Variants in DPYSL2 observed in about 807,000 individuals in gnomAD.
DPYSL2 encodes the protein dihydropyrimidinase like 2.
In DPYSL2, 13 loss-of-function variants were observed where a neutral mutation model predicts 69.9. The ratio of observed to expected loss-of-function variants is 0.19; its 90% CI spans 0.12 to 0.30. The LOEUF is 0.30. DPYSL2 is among the 10% of genes least tolerant of loss of function. The probability of loss-of-function intolerance (pLI) is 1.00; values close to 1 mark genes in which losing one functional copy is unlikely to be tolerated. For synonymous variants in DPYSL2, 326 were observed against 359.1 expected (o/e 0.91, Z 1.04); for missense variants, 587 against 918.9 (o/e 0.64, Z 4.67).
chr8:26,569,491 G>A (rs932353944), intron 1 of DPYSL2, among the ~76,000 whole-genome samples: 7 of 152,066 alleles, frequency 4.6e-5, no homozygotes, highest in African/African-American at 1.7e-4. Context: ...CTGGGCTGAA[G>A]AACAGGTATC....
At chr8:26,528,981 AAGG>A (rs1004483047) in intron 1 of DPYSL2, among the ~76,000 whole-genome samples, 9 of 152,194 alleles carry the variant, frequency 5.9e-5, no homozygotes, top group African/African-American at 2.2e-4. Flanking sequence ...GAGCTTCCTG[AAGG>A]AGGAGGATGG....
In DPYSL2 at chr8:26,644,779, T is replaced by C. The variant is rs150790118; in HGVS notation, c.1425+688T>C. Among the ~76,000 whole-genome samples the C allele has an allele frequency of 2.6e-5, 4 of 152,280 alleles. No individual in the cohort carries two copies. Among genetic ancestry groups the C allele is most frequent in the African/African-American group, 9.6e-5 (4 of 41,546 alleles). ...GGCTCAATTTCCTTAAAAGTGTCTT[T>C]TAGGGCTCTCTGGACTTAGCATGTC... On this transcript the variant is annotated intron_variant, in intron 10 of 13. Transcript: ENST00000521913. The surrounding 1 kb of genome is among the most constrained non-coding windows in gnomAD (Gnocchi z 4.5).
Position 26,518,132 on chromosome 8 carries a change from G to A in DPYSL2, c.354+3453G>A, listed in dbSNP as rs565843448. 1.5e-3 allele frequency among the ~76,000 whole-genome samples: 233 copies of A among 152,304 alleles called. 1 individual carries two copies. The highest frequency in any genetic ancestry group is 5.3e-3 in the African/African-American group (220 of 41,568). The stretch of plus-strand genomic sequence containing the variant: ...CCTCAGGCAAACAACTGATGCCCAA[G>A]TTGTCCCCAGAGATCCGTGTCTGAT... On this transcript the variant is annotated intron_variant, in intron 1 of 13. Transcript: ENST00000521913.
intron 1 of DPYSL2, among the ~76,000 whole-genome samples, chr8:26,535,397 T>C (rs1438430610): frequency 6.6e-6 from 1 of 152,124 alleles, no homozygotes. Flanking sequence ...TTAGGGGATT[T>C]AAATATGTCA....
Position 26,652,131 on chromosome 8 carries a change from T to C in DPYSL2, c.1597-126T>C, listed in dbSNP as rs769543507. On this transcript the variant is annotated intron_variant, in intron 11 of 13. Coordinates refer to ENST00000521913, the MANE Select transcript of DPYSL2 (RefSeq NM_001197293.3). The surrounding 1 kb of genome is among the most constrained non-coding windows in gnomAD (Gnocchi z 6.3). ...AGTAAGTGCCTGCTGGGGTGCCCAG[T>C]TGGGACAGGATCCCTGTCTCTGAGT... is the stretch of plus-strand genomic sequence containing the variant. 7 of 876,178 alleles carry C rather than the reference T, an allele frequency of 8.0e-6. No individual in the cohort carries two copies. Among genetic ancestry groups the C allele is most frequent in the African/African-American group, 6.8e-5 (4 of 58,520 alleles). The allele number at this position is 876,178 out of a possible 1,614,324, so 54.3% of individuals were successfully genotyped here.
At chr8:26,599,591 C>G (rs1350352522) in intron 3 of DPYSL2, among the ~76,000 whole-genome samples, 1 of 150,790 alleles carries the variant, frequency 6.6e-6, no homozygotes, top group African/African-American at 2.4e-5. Context: ...CCACTTCCTC[C>G]TTTCCTTTCT....
At chr8:26,537,966 A>C (rs550677815) in intron 1 of DPYSL2, among the ~76,000 whole-genome samples, 39 of 152,296 alleles carry the variant, frequency 2.6e-4, no homozygotes, top group Non-Finnish European at 5.6e-4. Flanking sequence ...ACTACAGGCC[A>C]GTTATTTTGT....
At position 26,533,409 on chromosome 8, in the gene DPYSL2, T is replaced by C. The variant is rs1028126375; in HGVS notation, c.354+18730T>C. Among the ~76,000 whole-genome samples the C allele has an allele frequency of 5.3e-5, 8 of 152,240 alleles. No individual in the cohort carries two copies. The highest frequency in any genetic ancestry group is 1.2e-4 in the Non-Finnish European group (8 of 68,032). On this transcript the variant is annotated intron_variant, in intron 1 of 13. Transcript: ENST00000521913. The surrounding 1 kb of genome is among the most constrained non-coding windows in gnomAD (Gnocchi z 4.8). ...CTATCTTTTCTTTTGTTGCTTGTAC[T>C]TTTGGTATCCTATTTAAGAGCGTAT...
chr8:26,635,235 C>T (rs1003383842), intron 8 of DPYSL2, among the ~76,000 whole-genome samples: 20 of 152,218 alleles, frequency 1.3e-4, no homozygotes, highest in African/African-American at 3.4e-4. Flanking sequence ...AGTTTCCATC[C>T]GCCCCAGAAT....
At chr8:26,592,476 G>GTT (rs11357827) in intron 3 of DPYSL2, among the ~76,000 whole-genome samples, 2 of 132,832 alleles carry the variant, frequency 1.5e-5, no homozygotes, top group Non-Finnish European at 1.6e-5. Context: ...TTTTTTTTTT[G>GTT]TTTTTTTTTT....
At chr8:26,629,391 C>T (rs1802692182) in intron 7 of DPYSL2, among the ~76,000 whole-genome samples, 1 of 152,126 alleles carries the variant, frequency 6.6e-6, no homozygotes, top group East Asian at 1.9e-4. Context: ...CATGCAGAGG[C>T]AGATACACAG....
rs934828496 is a variant in DPYSL2, at chr8:26,514,646, G to A, written c.321G>A (p.Ser107=). The stretch of plus-strand genomic sequence containing the variant: ...GGAAGGTGGAGATCCGGAGGGCCTC[G>A]GGCAAAGAAGCCCTGCAGAACATCA... ...SGRKVEIRRA[S]GKEALQNIND... is the part of the protein sequence containing the mutation. The change falls in exon 1 of 14, where the codon TCG becomes TCA. Residue 107 remains serine, a synonymous_variant. Coordinates refer to ENST00000521913, the MANE Select transcript of DPYSL2 (RefSeq NM_001197293.3). The surrounding 1 kb of genome is among the most constrained non-coding windows in gnomAD (Gnocchi z 8.4). The A allele has an allele frequency of 5.8e-5, 85 of 1,456,948 alleles. No individual in the cohort carries two copies. In the African/African-American group the frequency reaches 1.1e-3, roughly 19 times the overall value. 90.3% of individuals were successfully genotyped at this position (1,456,948 alleles called of 1,614,324 possible).
Position 26,591,276 on chromosome 8 carries a change from A to C in DPYSL2, c.628+7293A>C, listed in dbSNP as rs895007578. 6.6e-6 allele frequency among the ~76,000 whole-genome samples: 1 copy of C among 152,070 alleles called. No homozygotes were observed. The highest frequency in any genetic ancestry group is 2.4e-5 in the African/African-American group (1 of 41,388). On this transcript the variant is annotated intron_variant, in intron 3 of 13. Transcript: ENST00000521913. The surrounding 1 kb of genome is among the most constrained non-coding windows in gnomAD (Gnocchi z 5.8). Reference sequence around the variant, plus strand: ...GGCCTGATTGACAGCTGGAACCGGGAGTGGAGGTGGGGCCCATGGGAATGC... The same window carrying C: ...GGCCTGATTGACAGCTGGAACCGGGCGTGGAGGTGGGGCCCATGGGAATGC...
At position 26,529,333 on chromosome 8, in the gene DPYSL2, C is replaced by A. The variant is rs111878199; in HGVS notation, c.354+14654C>A. ...ATCTATCTATCTATCATCTATCTAT[C>A]TATATATATATTTAGAGACAGGATC... On this transcript the variant is annotated intron_variant, in intron 1 of 13. Transcript: ENST00000521913. Among the ~76,000 whole-genome samples the A allele has an allele frequency of 1.3e-3, 202 of 151,520 alleles. 1 individual carries two copies. The highest frequency in any genetic ancestry group is 4.5e-3 in the African/African-American group (184 of 41,212).
At position 26,537,417 on chromosome 8, in the gene DPYSL2, G is replaced by A. The variant is rs181597627; in HGVS notation, c.354+22738G>A. On this transcript the variant is annotated intron_variant, in intron 1 of 13. Coordinates refer to ENST00000521913, the MANE Select transcript of DPYSL2 (RefSeq NM_001197293.3). ...AGTTTTTGTCATATCTACCTATAAC[G>A]TTTGCTATTATTTATCCAATATTGT... Among the ~76,000 whole-genome samples the A allele has an allele frequency of 2.6e-5, 4 of 152,056 alleles. No individual in the cohort carries two copies. In the East Asian group the frequency reaches 5.8e-4, roughly 22 times the overall value.
At position 26,597,410 on chromosome 8, in the gene DPYSL2, G is replaced by C. The variant is rs2129798907; in HGVS notation, c.628+13427G>C. On this transcript the variant is annotated intron_variant, in intron 3 of 13. Coordinates refer to ENST00000521913, the MANE Select transcript of DPYSL2 (RefSeq NM_001197293.3). The surrounding 1 kb of genome is among the most constrained non-coding windows in gnomAD (Gnocchi z 5.2). ...TCGCTTTGGCGTGGGCTTTTATGAGGTTCATTAGGCTCAGCACCTCCCATG... is the reference window on the plus strand; with the variant it reads ...TCGCTTTGGCGTGGGCTTTTATGAGCTTCATTAGGCTCAGCACCTCCCATG... Among the ~76,000 whole-genome samples the C allele has an allele frequency of 6.6e-6, 1 of 152,314 alleles. No individual in the cohort carries two copies. The highest frequency in any genetic ancestry group is 2.1e-4 in the South Asian group (1 of 4,822).
At chr8:26,622,659 T>A (rs1452398279) in intron 3 of DPYSL2, among the ~76,000 whole-genome samples, 1 of 152,130 alleles carries the variant, frequency 6.6e-6, no homozygotes, top group East Asian at 1.9e-4. Flanking sequence ...TGTGTCACCA[T>A]GGCCAGCTAA....
chr8:26,528,537 C>T (rs1449866687), intron 1 of DPYSL2, among the ~76,000 whole-genome samples: 2 of 151,756 alleles, frequency 1.3e-5, no homozygotes, highest in South Asian at 2.1e-4. Flanking sequence ...GCCCCAGCTA[C>T]TCAGGAGGCT....
At chr8:26,607,834 C>A (rs1489889723) in intron 3 of DPYSL2, among the ~76,000 whole-genome samples, 1 of 151,596 alleles carries the variant, frequency 6.6e-6, no homozygotes, top group Non-Finnish European at 1.5e-5. Context: ...AATCCCCACA[C>A]TTTGGGAGGC....
Sources: gnomAD v4.1 joint callset for allele counts (sites outside exome capture counted in the v4.1 genomes callset) on GRCh38, gnomAD v4.1.1 for gene constraint, Gnocchi (gnomAD v3.1) non-coding constraint, MANE v1.5 for transcripts, NCBI Gene and HGNC (gene_info 2026-07-23, HGNC 2026-07-21) for gene names.